The following KDM2A variants were observed in gnomAD, a reference collection of about 807,000 sequenced individuals.
The protein encoded by KDM2A is lysine demethylase 2A.
A neutral mutation model predicts 137.3 loss-of-function variants in KDM2A; 3 were observed. That is an observed-to-expected ratio of 0.02 (90% CI 0.01 to 0.06). The LOEUF (loss-of-function observed/expected upper bound fraction) is 0.06, where lower values mean the gene tolerates loss of function less well. Among genes scored for constraint, KDM2A ranks in the 10% least tolerant of loss-of-function variants. The probability of loss-of-function intolerance (pLI) is 1.00; values close to 1 mark genes in which losing one functional copy is unlikely to be tolerated. For missense variants in KDM2A, 738 were observed against 1,510.6 expected (o/e 0.49, Z 8.48); for synonymous variants, 512 against 541.5 (o/e 0.95, Z 0.76).
At chr11:67,191,527 G>C (rs544732092) in intron 5 of KDM2A, among the ~76,000 whole-genome samples, 2 of 152,300 alleles carry the variant, frequency 1.3e-5, no homozygotes, top group Admixed American at 6.5e-5. Context: ...TCCTGGAATA[G>C]ATGATTTGAC....
intron 2 of KDM2A, among the ~76,000 whole-genome samples, chr11:67,167,132 G>C (rs1856765621): frequency 6.6e-6 from 1 of 152,134 alleles, no homozygotes; most frequent in Non-Finnish European, 1.5e-5. Flanking sequence ...TAGCACCCAA[G>C]GAGACAAATA....
rs1171015355 is a variant in KDM2A, at chr11:67,219,301, T to C, written c.855T>C (p.Ala285=). ...TFVIPSGWIH[A]VYTPTDTLVF... Reference sequence around the variant, plus strand: ...CCCTTCTCCTAGGCTGGATTCATGCTGTGTATACTCCTACAGACACATTAG... The same window carrying C: ...CCCTTCTCCTAGGCTGGATTCATGCCGTGTATACTCCTACAGACACATTAG... Residue 285 remains alanine (A), a synonymous_variant, in exon 10 of 21, where the codon GCT becomes GCC. Coordinates refer to ENST00000529006, the MANE Select transcript of KDM2A (RefSeq NM_012308.3). The C allele has an allele frequency of 1.1e-5, 18 of 1,582,598 alleles. No homozygotes were observed. The highest frequency in any genetic ancestry group is 8.6e-7 in the Non-Finnish European group (1 of 1,163,986).
intron 9 of KDM2A, among the ~76,000 whole-genome samples, chr11:67,218,975 A>G (rs1858251770): frequency 6.6e-6 from 1 of 152,210 alleles, no homozygotes; most frequent in Non-Finnish European, 1.5e-5. Context: ...AAGCCAAAAG[A>G]TTGGACACCC....
At chr11:67,207,405 A>G (rs764416773) in intron 5 of KDM2A, 105 bp from the exon 6 acceptor site, 232 of 836,798 alleles carry the variant, frequency 2.8e-4, no homozygotes, top group Non-Finnish European at 3.7e-4. Flanking sequence ...ATTATTGAAA[A>G]TAAGAAAGGA....
intron 5 of KDM2A, among the ~76,000 whole-genome samples, chr11:67,207,016 A>G (rs1412180175): frequency 6.6e-6 from 1 of 152,242 alleles, no homozygotes; most frequent in East Asian, 1.9e-4. Flanking sequence ...CCTGTTTAAC[A>G]AAAGAATATA....
intron 2 of KDM2A, among the ~76,000 whole-genome samples, chr11:67,151,422 C>T (rs1313917272): frequency 6.6e-6 from 1 of 151,550 alleles, no homozygotes; most frequent in Non-Finnish European, 1.5e-5. Context: ...CTCTTGTTGC[C>T]CAGGCTGGAG....
chr11:67,202,599 C>T (rs986551082), intron 5 of KDM2A, among the ~76,000 whole-genome samples: 52 of 151,508 alleles, frequency 3.4e-4, no homozygotes, highest in Non-Finnish European at 5.4e-4. Context: ...GGTGAAACCC[C>T]GTCTCTACTA....
intron 12 of KDM2A, among the ~76,000 whole-genome samples, chr11:67,237,036 C>G (rs930424476): frequency 3.3e-5 from 5 of 152,136 alleles, no homozygotes; most frequent in South Asian, 2.1e-4. Context: ...AGAGTCTATC[C>G]TGAGGGAAAG....
intron 5 of KDM2A, among the ~76,000 whole-genome samples, chr11:67,206,441 TAAAG>T (rs1255687685): frequency 6.9e-6 from 1 of 145,228 alleles, no homozygotes; most frequent in Non-Finnish European, 1.5e-5. Context: ...AAAATAAAAT[TAAAG>T]AAATAAATAG....
chr11:67,199,008 A>G (rs1857554260), intron 5 of KDM2A, among the ~76,000 whole-genome samples: 1 of 152,000 alleles, frequency 6.6e-6, no homozygotes. Context: ...TAAACTCCTG[A>G]CCTCAAGTGA....
intron 2 of KDM2A, among the ~76,000 whole-genome samples, chr11:67,134,109 C>T (rs1207819286): frequency 6.6e-6 from 1 of 152,174 alleles, no homozygotes. Flanking sequence ...TGGGATTTAG[C>T]TTGGATTACC....
At chr11:67,240,115 C>T in intron 12 of KDM2A, 1 of 1,376,476 alleles carries the variant, frequency 7.3e-7, no homozygotes, top group South Asian at 1.8e-5. Context: ...CAGGAAGCCG[C>T]GGCTGAGCTG....
chr11:67,182,657 C>T (rs1205300471), intron 5 of KDM2A, among the ~76,000 whole-genome samples: 2 of 151,970 alleles, frequency 1.3e-5, no homozygotes, highest in East Asian at 1.9e-4. Context: ...CTCAGCCTCC[C>T]GAGTAGCTGG....
At chr11:67,151,225 C>T (rs756586604) in intron 2 of KDM2A, among the ~76,000 whole-genome samples, 2 of 152,076 alleles carry the variant, frequency 1.3e-5, no homozygotes, top group African/African-American at 4.8e-5. Flanking sequence ...TCTGCTGCTG[C>T]TTCCAACAGC....
At chr11:67,192,447 T>C (rs998850215) in intron 5 of KDM2A, among the ~76,000 whole-genome samples, 1 of 128,370 alleles carries the variant, frequency 7.8e-6, no homozygotes, top group Non-Finnish European at 1.6e-5. Context: ...TTTTTTTTTT[T>C]TTTTTTTTTT....
chr11:67,148,901 G>T (rs1475752025), intron 2 of KDM2A, among the ~76,000 whole-genome samples: 1 of 152,138 alleles, frequency 6.6e-6, no homozygotes. Flanking sequence ...AACCAAAAGA[G>T]CTGGGGTAGG....
At position 67,250,829 on chromosome 11, in the gene KDM2A, G is replaced by C. The variant is rs971511723; in HGVS notation, c.2768+31G>C. On this transcript the variant is annotated intron_variant, in intron 17 of 20. Transcript: ENST00000529006. This position sits in a 1 kb window ranked among gnomAD's most constrained non-coding sequence, Gnocchi z 7.1. Reference sequence around the variant, plus strand: ...CAGGGATTCAGGGGGTCAGGAATTAGGGGTATGGGAGTAGGTGGCAGGTTT... The same window carrying C: ...CAGGGATTCAGGGGGTCAGGAATTACGGGTATGGGAGTAGGTGGCAGGTTT... 6.7e-7 allele frequency: 1 copy of C among 1,485,296 alleles called. No individual in the cohort carries two copies. Among genetic ancestry groups the C allele is most frequent in the African/African-American group, 1.4e-5 (1 of 71,076 alleles). The allele number at this position is 1,485,296 out of a possible 1,614,324, so 92.0% of individuals were successfully genotyped here. A position where few individuals can be genotyped will look rare whatever the true frequency, so the allele number is the denominator to read the frequency against.
chr11:67,150,974 A>G (rs1240244278), intron 2 of KDM2A, among the ~76,000 whole-genome samples: 1 of 152,098 alleles, frequency 6.6e-6, no homozygotes, highest in African/African-American at 2.4e-5. Flanking sequence ...TGTGAGTGGG[A>G]GGGAGTATGT....
chr11:67,235,165 A>G (rs1376038829), intron 12 of KDM2A, among the ~76,000 whole-genome samples: 1 of 151,694 alleles, frequency 6.6e-6, no homozygotes, highest in African/African-American at 2.4e-5. Flanking sequence ...AAAAAAGAAA[A>G]AAGAAAGGAA....
Sources: gnomAD v4.1 joint callset for allele counts (sites outside exome capture counted in the v4.1 genomes callset) on GRCh38, gnomAD v4.1.1 for gene constraint, Gnocchi (gnomAD v3.1) non-coding constraint, MANE v1.5 for transcripts, NCBI Gene and HGNC (gene_info 2026-07-23, HGNC 2026-07-21) for gene names.